Variants in CFAP299 observed in about 807,000 individuals in gnomAD.
CFAP299 encodes the protein cilia and flagella associated protein 299, also known as cilia- and flagella-associated protein 299.
A neutral mutation model predicts 27.0 loss-of-function variants in CFAP299; 21 were observed. The observed-to-expected ratio is 0.78, with a 90% confidence interval of 0.55 to 1.12. CFAP299 has a LOEUF of 1.12. CFAP299 is among the 50% of genes most tolerant of loss of function. The pLI is 0.00. For missense variants in CFAP299, 310 were observed against 276.6 expected (o/e 1.12, Z -0.86); for synonymous variants, 104 against 98.1 (o/e 1.06, Z -0.36).
chr4:80,638,916 G>C (rs879291218), intron 3 of CFAP299, among the ~76,000 whole-genome samples: 10 of 152,154 alleles, frequency 6.6e-5, no homozygotes, highest in Non-Finnish European at 1.3e-4. Flanking sequence ...TGAGATGAGC[G>C]AGTGTGGTAG....
chr4:80,572,056 G>C (rs1450285155), intron 2 of CFAP299, among the ~76,000 whole-genome samples: 1 of 152,028 alleles, frequency 6.6e-6, no homozygotes, highest in Non-Finnish European at 1.5e-5. Context: ...TTTAATGTTT[G>C]TGGGTACACA....
chr4:80,711,923 T>C (rs370321867), intron 3 of CFAP299, among the ~76,000 whole-genome samples: 11 of 152,310 alleles, frequency 7.2e-5, no homozygotes, highest in African/African-American at 2.6e-4. Flanking sequence ...CAGATCAAAA[T>C]GTGCAGCTGG....
At chr4:80,353,718 C>T (rs180782701) in intron 1 of CFAP299, among the ~76,000 whole-genome samples, 1 of 152,250 alleles carries the variant, frequency 6.6e-6, no homozygotes, top group Admixed American at 6.5e-5. Flanking sequence ...GCAGTATCTA[C>T]ACTATCTGTG....
chr4:80,705,412 C>T (rs565564663), intron 3 of CFAP299, among the ~76,000 whole-genome samples: 8 of 151,898 alleles, frequency 5.3e-5, no homozygotes, highest in South Asian at 2.1e-4. Flanking sequence ...ATTAAATAAA[C>T]GTATAAGCTA....
chr4:80,641,808 C>T (rs555283331), intron 3 of CFAP299, among the ~76,000 whole-genome samples: 15 of 152,126 alleles, frequency 9.9e-5, no homozygotes, highest in Non-Finnish European at 2.1e-4. Flanking sequence ...AACAGGGATG[C>T]TTTCAAAACA....
chr4:80,642,185 G>A (rs17004962), intron 3 of CFAP299, among the ~76,000 whole-genome samples: 10,513 of 152,192 alleles, frequency 0.069, 815 homozygotes, highest in African/African-American at 0.19. Flanking sequence ...TGTTAACTGT[G>A]TAAAGCTATG....
chr4:80,799,830 T>TATATA (rs1560417589), intron 3 of CFAP299, among the ~76,000 whole-genome samples: 1 of 36,674 alleles, frequency 2.7e-5, no homozygotes, highest in African/African-American at 1.2e-4. Flanking sequence ...TTATATATAT[T>TATATA]TATATATTAT....
intron 2 of CFAP299, among the ~76,000 whole-genome samples, chr4:80,573,362 C>G (rs1735689677): frequency 6.6e-6 from 1 of 151,980 alleles, no homozygotes; most frequent in Non-Finnish European, 1.5e-5. Context: ...TTTGTATATT[C>G]TGGTTATTAA....
At position 80,800,331 on chromosome 4, in the gene CFAP299, AAT is replaced by A. The variant is rs1379533208; in HGVS notation, c.334-69654_334-69653del. ...ATAAGATATATGATACATTAATATT[AAT>A]ATATATAATATATAATATATATGAT... On this transcript the variant is annotated intron_variant, in intron 3 of 5. Coordinates refer to ENST00000358105, the MANE Select transcript of CFAP299 (RefSeq NM_152770.3). Among the ~76,000 whole-genome samples, 267 of 68,898 alleles carry A rather than the reference AAT, an allele frequency of 3.9e-3. 4 individuals carry two copies. The highest frequency in any genetic ancestry group is 0.016 in the African/African-American group (244 of 15,608). The allele number at this position is 68,898 out of a possible 152,430, so 45.2% of individuals were successfully genotyped here. A position where few individuals can be genotyped will look rare whatever the true frequency, so the allele number is the denominator to read the frequency against.
the CFAP299 span, among the ~76,000 whole-genome samples, chr4:80,329,778 A>C: frequency 6.6e-6 from 1 of 152,092 alleles, no homozygotes; most frequent in Non-Finnish European, 1.5e-5. Context: ...ACGAGCTTTG[A>C]TATTGTACTC....
Position 80,777,158 on chromosome 4 carries a change from C to T in CFAP299, c.334-92835C>T, listed in dbSNP as rs186826759. Among the ~76,000 whole-genome samples, 616 of 152,186 alleles carry T rather than the reference C, an allele frequency of 4.0e-3. 1 individual carries two copies. The highest frequency in any genetic ancestry group is 5.6e-3 in the Non-Finnish European group (378 of 68,004). On this transcript the variant is annotated intron_variant, in intron 3 of 5. Transcript: ENST00000358105. ...GCACTCCAAAAAGGACTAAATTTCCCCTATTCTGCACATTACTCTTATAGA... is the reference window on the plus strand; with the variant it reads ...GCACTCCAAAAAGGACTAAATTTCCTCTATTCTGCACATTACTCTTATAGA...
At chr4:80,609,241 G>A (rs1737840210) in intron 3 of CFAP299, among the ~76,000 whole-genome samples, 1 of 152,072 alleles carries the variant, frequency 6.6e-6, no homozygotes, top group African/African-American at 2.4e-5. Flanking sequence ...ATTGCCTTGT[G>A]TGTAATTACA....
At chr4:80,729,592 C>CTTTT (rs34745276) in intron 3 of CFAP299, among the ~76,000 whole-genome samples, 93 of 64,324 alleles carry the variant, frequency 1.4e-3, no homozygotes, top group Admixed American at 1.6e-3. Context: ...GCTTCAGCAT[C>CTTTT]TTTTTTTTTT....
chr4:80,701,038 C>A (rs1009922227), intron 3 of CFAP299, among the ~76,000 whole-genome samples: 1 of 151,918 alleles, frequency 6.6e-6, no homozygotes, highest in Non-Finnish European at 1.5e-5. Context: ...TAAGCTGGAG[C>A]GGGTGGCCTT....
chr4:80,764,926 T>C (rs767793606), intron 3 of CFAP299, among the ~76,000 whole-genome samples: 1 of 151,846 alleles, frequency 6.6e-6, no homozygotes, highest in Non-Finnish European at 1.5e-5. Flanking sequence ...CAACACACAC[T>C]AGGGCCTGTG....
intron 3 of CFAP299, among the ~76,000 whole-genome samples, chr4:80,700,309 A>G (rs434452): frequency 0.93 from 141,936 of 152,218 alleles, 66,247 homozygotes; most frequent in East Asian, 1. Flanking sequence ...GTTAATATTT[A>G]TAACTACTTA....
At chr4:80,362,724 C>T in intron 1 of CFAP299, 30 bp from the exon 2 acceptor site, 1 of 1,570,666 alleles carries the variant, frequency 6.4e-7, no homozygotes, top group Non-Finnish European at 8.6e-7. Context: ...CTCATTTGCC[C>T]ACTCACCTAA....
At chr4:80,702,539 C>G (rs1337183294) in intron 3 of CFAP299, among the ~76,000 whole-genome samples, 3 of 151,860 alleles carry the variant, frequency 2.0e-5, no homozygotes, top group Admixed American at 2.0e-4. Flanking sequence ...GAACACTGGG[C>G]TCAGATAAGA....
At chr4:80,915,535 T>G (rs1735699782) in intron 4 of CFAP299, among the ~76,000 whole-genome samples, 1 of 152,084 alleles carries the variant, frequency 6.6e-6, no homozygotes, top group African/African-American at 2.4e-5. Context: ...GCTGTGAGTT[T>G]ATAGTTTTTA....
Sources: gnomAD v4.1 joint callset for allele counts (sites outside exome capture counted in the v4.1 genomes callset) on GRCh38, gnomAD v4.1.1 for gene constraint, MANE v1.5 for transcripts, NCBI Gene and HGNC (gene_info 2026-07-23, HGNC 2026-07-21) for gene names.